KSR2: variants seen among roughly 807,000 people sequenced by gnomAD.
The protein encoded by KSR2 is kinase suppressor of ras 2.
KSR2 carries 25 observed loss-of-function variants against 107.8 expected under a neutral mutation model. The ratio of observed to expected loss-of-function variants is 0.23; its 90% CI spans 0.17 to 0.32. The LOEUF (loss-of-function observed/expected upper bound fraction) is 0.32, where lower values mean the gene tolerates loss of function less well. Ranked by LOEUF, KSR2 falls within the 10% of genes least tolerant of loss-of-function variation. The pLI, the probability that KSR2 is intolerant of heterozygous loss-of-function variation, is 1.00. For synonymous variants in KSR2, 480 were observed against 507.0 expected (o/e 0.95, Z 0.71); for missense variants, 887 against 1,268.9 (o/e 0.70, Z 4.57).
chr12:117,935,555 G>A (rs2054540267), intron 1 of KSR2, among the ~76,000 whole-genome samples: 1 of 152,136 alleles, frequency 6.6e-6, no homozygotes, highest in Admixed American at 6.5e-5. Flanking sequence ...GAGGTCAGGA[G>A]TTCGAGACCA....
chr12:117,496,998 C>T (rs532079556), intron 14 of KSR2, among the ~76,000 whole-genome samples: 1 of 151,594 alleles, frequency 6.6e-6, no homozygotes, highest in South Asian at 2.1e-4. Context: ...CATGGTGGTA[C>T]ACACCTGTAC....
At chr12:117,682,500 C>T (rs573878010) in intron 4 of KSR2, among the ~76,000 whole-genome samples, 8 of 152,118 alleles carry the variant, frequency 5.3e-5, no homozygotes, top group Non-Finnish European at 1.0e-4. Context: ...TCACCGCAAC[C>T]TCTGCTTCCC....
Position 117,778,925 on chromosome 12 carries a change from G to A in KSR2, c.473-17401C>T, listed in dbSNP as rs532777123. On this transcript the variant is annotated intron_variant, in intron 3 of 19. Transcript: ENST00000339824. Reference sequence around the variant, plus strand: ...TTCAAGAAAGCTAAAAGTAGCATTCGATGACCTTATGTGCTGCAAGGTGCC... The same window carrying A: ...TTCAAGAAAGCTAAAAGTAGCATTCAATGACCTTATGTGCTGCAAGGTGCC... Among the ~76,000 whole-genome samples, 28 of 152,274 alleles carry A rather than the reference G, an allele frequency of 1.8e-4. No individual in the cohort carries two copies. In the South Asian group the frequency reaches 5.4e-3, roughly 29 times the overall value.
chr12:117,780,028 A>G (rs187685371), intron 3 of KSR2, among the ~76,000 whole-genome samples: 49 of 152,340 alleles, frequency 3.2e-4, no homozygotes, highest in Non-Finnish European at 6.5e-4. Context: ...CACCCTACCC[A>G]GCAGGTTACG....
At chr12:117,632,160 G>A (rs1374636213) in intron 5 of KSR2, among the ~76,000 whole-genome samples, 1 of 147,520 alleles carries the variant, frequency 6.8e-6, no homozygotes, top group African/African-American at 2.5e-5. Context: ...CATTAAACCA[G>A]TATTGAGTCC....
chr12:117,823,554 C>T (rs1319154073), intron 3 of KSR2, among the ~76,000 whole-genome samples: 1 of 152,096 alleles, frequency 6.6e-6, no homozygotes, highest in Non-Finnish European at 1.5e-5. Context: ...GGTGGAAGGG[C>T]AACTGCAGGG....
intron 4 of KSR2, among the ~76,000 whole-genome samples, chr12:117,751,829 G>A (rs988890201): frequency 4.6e-5 from 7 of 152,154 alleles, no homozygotes; most frequent in Non-Finnish European, 1.0e-4. Context: ...AGTCAGTATG[G>A]TGCTGAGCGT....
At chr12:117,703,072 G>A (rs752193530) in intron 4 of KSR2, among the ~76,000 whole-genome samples, 4 of 152,130 alleles carry the variant, frequency 2.6e-5, no homozygotes, top group Non-Finnish European at 4.4e-5. Flanking sequence ...CCCAAGAAAC[G>A]AGGGGGAACA....
chr12:117,923,216 A>T (rs1895398282), intron 1 of KSR2, among the ~76,000 whole-genome samples: 1 of 151,584 alleles, frequency 6.6e-6, no homozygotes, highest in African/African-American at 2.4e-5. Flanking sequence ...ACTATCTATC[A>T]TCTATCTATC....
At chr12:117,584,967 A>G (rs904997391) in intron 5 of KSR2, among the ~76,000 whole-genome samples, 11 of 152,152 alleles carry the variant, frequency 7.2e-5, no homozygotes, top group African/African-American at 2.6e-4. Flanking sequence ...GAGCCCCCGC[A>G]CCCCCGTTCT....
intron 19 of KSR2, 22 bp from the exon 20 acceptor site, chr12:117,467,227 G>C (rs776645374): frequency 1.4e-6 from 1 of 730,208 alleles, no homozygotes; most frequent in African/African-American, 1.8e-5. Flanking sequence ...AGAGAAGGGA[G>C]AGAGTGGTGA....
chr12:117,712,122 G>T (rs1001587203), intron 4 of KSR2, among the ~76,000 whole-genome samples: 1 of 152,212 alleles, frequency 6.6e-6, no homozygotes, highest in Non-Finnish European at 1.5e-5. Context: ...CAATGACCAG[G>T]CTTCTTGGTC....
chr12:117,582,039 A>G (rs940850273), intron 6 of KSR2, among the ~76,000 whole-genome samples: 2 of 152,230 alleles, frequency 1.3e-5, no homozygotes, highest in Admixed American at 6.5e-5. Flanking sequence ...AACACAGGTC[A>G]GTCTGACTCC....
At chr12:117,489,252 ATACATACT>A (rs1378128799) in intron 14 of KSR2, among the ~76,000 whole-genome samples, 1 of 152,092 alleles carries the variant, frequency 6.6e-6, no homozygotes, top group African/African-American at 2.4e-5. Flanking sequence ...GGTTACATGG[ATACATACT>A]TAGTGGAAAC....
chr12:117,946,417 T>A (rs1244499703), intron 1 of KSR2, among the ~76,000 whole-genome samples: 1 of 152,046 alleles, frequency 6.6e-6, no homozygotes, highest in African/African-American at 2.4e-5. Flanking sequence ...ATAGACCCCG[T>A]GACGTTAAAA....
At position 117,647,147 on chromosome 12, in the gene KSR2, G is replaced by A. The variant is rs543576182; in HGVS notation, c.1171+20327C>T. Among the ~76,000 whole-genome samples the A allele has an allele frequency of 6.6e-5, 10 of 152,262 alleles. No homozygotes were observed. The East Asian group carries it at 1.2e-3, about 18-fold the overall frequency. ...AGACAGACCTGAAGACAGATGTGAC[G>A]GAGGAAGAGAGTAAAGAGAGTAAAC... On this transcript the variant is annotated intron_variant, in intron 5 of 19. Coordinates refer to ENST00000339824, the MANE Select transcript of KSR2 (RefSeq NM_173598.6).
intron 5 of KSR2, among the ~76,000 whole-genome samples, chr12:117,585,553 C>T (rs937710222): frequency 6.6e-6 from 1 of 152,176 alleles, no homozygotes; most frequent in African/African-American, 2.4e-5. Context: ...AAGATTTGAA[C>T]TTTGAGATCC....
At chr12:117,578,601 C>CAAAAAAA (rs66919524) in intron 7 of KSR2, among the ~76,000 whole-genome samples, 6 of 103,994 alleles carry the variant, frequency 5.8e-5, no homozygotes, top group Non-Finnish European at 9.0e-5. Flanking sequence ...GACTCCATCT[C>CAAAAAAA]AAAAAAAAAA....
chr12:117,941,273 C>CT (rs1895996483), intron 1 of KSR2, among the ~76,000 whole-genome samples: 1 of 151,966 alleles, frequency 6.6e-6, no homozygotes, highest in African/African-American at 2.4e-5. Flanking sequence ...CATTTTCTTC[C>CT]TGTGGGTTTC....
Sources: allele counts gnomAD v4.1 joint callset (sites outside exome capture counted in the v4.1 genomes callset), GRCh38; gene constraint gnomAD v4.1.1; transcripts MANE v1.5; gene names NCBI Gene and HGNC (gene_info 2026-07-23, HGNC 2026-07-21).